The following TDRD15 variants were observed in gnomAD, a reference collection of about 807,000 sequenced individuals.
The protein encoded by TDRD15 is tudor domain-containing protein 15.
For missense variants in TDRD15, 1,416 were observed against 904.7 expected (o/e 1.57, Z -7.25); for synonymous variants, 503 against 314.5 (o/e 1.60, Z -6.34).
Position 21,139,045 on chromosome 2 carries a change from A to G in TDRD15, c.1578A>G (p.Glu526=). Residue 526 remains glutamate, a synonymous_variant, in exon 4 of 4, where the codon GAA becomes GAG. Coordinates refer to ENST00000405799, the MANE Select transcript of TDRD15 (RefSeq NM_001306137.2). ...TTTATGATTTGTGTGAAAACGATGA[A>G]ATGATTCTAAGAAAACCTGAACCTG... ...NKFYDLCEND[E]MILRKPEPGL... The G allele has an allele frequency of 1.4e-6, 1 of 714,604 alleles. No homozygotes were observed. Among genetic ancestry groups the G allele is most frequent in the Non-Finnish European group, 2.6e-6 (1 of 383,816 alleles). 44.3% of individuals were successfully genotyped at this position (714,604 alleles called of 1,614,324 possible).
chr2:21,134,605 A>G (rs1665774837), intron 2 of TDRD15, among the ~76,000 whole-genome samples, 157 bp from the exon 3 acceptor site: 1 of 152,010 alleles, frequency 6.6e-6, no homozygotes, highest in South Asian at 2.1e-4. Context: ...TGACTTCAAA[A>G]TTTTATAAAT....
intron 1 of TDRD15, among the ~76,000 whole-genome samples, chr2:21,127,111 ATCT>A (rs528306396): frequency 5.0e-4 from 76 of 152,274 alleles, no homozygotes; most frequent in African/African-American, 1.8e-3. Flanking sequence ...CCATCAATAA[ATCT>A]TCTTTGGTAA....
chr2:21,138,643 G>A lies in TDRD15; in HGVS notation c.1176G>A (p.Lys392=), dbSNP rs766332749. 17 of 714,140 alleles carry A rather than the reference G, an allele frequency of 2.4e-5. No individual in the cohort carries two copies. The highest frequency in any genetic ancestry group is 2.2e-4 in the South Asian group (15 of 67,062). 44.2% of individuals were successfully genotyped at this position (714,140 alleles called of 1,614,324 possible). ...VVYAHIDWFN[K]DECLYYVTLQ... is the part of the protein sequence containing the mutation. ...ATGCACACATTGATTGGTTCAATAA[G>A]GATGAGTGTTTGTATTATGTGACAT... is the stretch of plus-strand genomic sequence containing the variant. Residue 392 remains lysine (K), a synonymous_variant, in exon 4 of 4, where the codon AAG becomes AAA. Coordinates refer to ENST00000405799, the MANE Select transcript of TDRD15 (RefSeq NM_001306137.2).
chr2:21,132,733 CCCTT>C (rs1210911775), intron 2 of TDRD15, among the ~76,000 whole-genome samples: 1 of 151,958 alleles, frequency 6.6e-6, no homozygotes, highest in African/African-American at 2.4e-5. Context: ...AAAGATGTCT[CCCTT>C]AGTAAGATTA....
chr2:21,136,720 T>C (rs999355488), intron 3 of TDRD15, among the ~76,000 whole-genome samples: 1 of 152,082 alleles, frequency 6.6e-6, no homozygotes, highest in East Asian at 1.9e-4. Flanking sequence ...TTTAGAATCC[T>C]AAAAATCCAC....
chr2:21,126,725 A>G (rs1213197295), intron 1 of TDRD15, among the ~76,000 whole-genome samples: 2 of 152,152 alleles, frequency 1.3e-5, no homozygotes, highest in African/African-American at 4.8e-5. Flanking sequence ...GTTGACAAAC[A>G]TTTGGGTTGT....
chr2:21,130,094 C>A (rs556047490), intron 2 of TDRD15, among the ~76,000 whole-genome samples: 1 of 152,292 alleles, frequency 6.6e-6, no homozygotes, highest in Admixed American at 6.5e-5. Flanking sequence ...GACCTATTCA[C>A]CCCTATTAAA....
chr2:21,139,946 G>GGATCAGAATGAATACTAT lies in TDRD15; in HGVS notation c.2479_2480insGATCAGAATGAATACTAT (p.Glu827delinsGlySerGluTer), dbSNP rs1665887185. 1.4e-6 allele frequency: 1 copy of GGATCAGAATGAATACTAT among 715,568 alleles called. No homozygotes were observed. The highest frequency in any genetic ancestry group is 2.6e-6 in the Non-Finnish European group (1 of 383,974). The allele number at this position is 715,568 out of a possible 1,614,324, so 44.3% of individuals were successfully genotyped here. On this transcript the variant is annotated stop_gained and protein_altering_variant, in exon 4 of 4. Coordinates refer to ENST00000405799, the MANE Select transcript of TDRD15 (RefSeq NM_001306137.2). LOFTEE classifies it low-confidence loss of function (END_TRUNC). Reference sequence around the variant, plus strand: ...TGCTGTTTTGACTCAAGTATCAAAAGAAGTTGACATAGTGTTTGTTGATTA... The same window carrying GGATCAGAATGAATACTAT: ...TGCTGTTTTGACTCAAGTATCAAAAGGATCAGAATGAATACTATAAGTTGACATAGTGTTTGTTGATTA...
chr2:21,145,958 A>G (rs552164339), downstream of TDRD15, among the ~76,000 whole-genome samples: 1 of 152,018 alleles, frequency 6.6e-6, no homozygotes, highest in East Asian at 1.9e-4. Flanking sequence ...CTTTCAAAAA[A>G]CTCTGACGCC....
chr2:21,136,232 T>G (rs1665804527), intron 3 of TDRD15, among the ~76,000 whole-genome samples: 1 of 152,028 alleles, frequency 6.6e-6, no homozygotes, highest in African/African-American at 2.4e-5. Context: ...GACTAAATAA[T>G]GAAAACATTT....
At chr2:21,125,162 T>TC (rs1237495365) in intron 1 of TDRD15, among the ~76,000 whole-genome samples, 2 of 145,438 alleles carry the variant, frequency 1.4e-5, no homozygotes, top group African/African-American at 5.2e-5. Context: ...GAGAGAGAAA[T>TC]CCTAATGTCA....
chr2:21,145,765 C>T (rs918891377), downstream of TDRD15, among the ~76,000 whole-genome samples: 1 of 151,968 alleles, frequency 6.6e-6, no homozygotes, highest in Admixed American at 6.6e-5. Flanking sequence ...CCTACCACCT[C>T]TATTACTCTT....
Position 21,139,139 on chromosome 2 carries a change from G to T in TDRD15, c.1672G>T (p.Gly558Cys). 1.4e-6 allele frequency: 1 copy of T among 712,696 alleles called. No homozygotes were observed. Among genetic ancestry groups the T allele is most frequent in the South Asian group, 1.5e-5 (1 of 66,642 alleles). The allele number at this position is 712,696 out of a possible 1,614,324, so 44.1% of individuals were successfully genotyped here. A position where few individuals can be genotyped will look rare whatever the true frequency, so the allele number is the denominator to read the frequency against. The change falls in exon 4 of 4, where the codon GGT becomes TGT. Residue 558 changes from glycine (G) to cysteine (C), a missense_variant. By Grantham distance (159) the Gly-to-Cys change is radical (BLOSUM62 -3). Coordinates refer to ENST00000405799, the MANE Select transcript of TDRD15 (RefSeq NM_001306137.2). ...FYRAVITEINGYKINVYFLDY... is the reference protein window; with the variant it reads ...FYRAVITEINCYKINVYFLDY... ...CAGAGCTGTCATCACTGAAATTAAT[G>T]GTTATAAGATTAATGTTTATTTTTT... is the stretch of plus-strand genomic sequence containing the variant.
At chr2:21,146,626 A>G (rs1666035221), downstream of TDRD15, among the ~76,000 whole-genome samples, 1 of 152,136 alleles carries the variant, frequency 6.6e-6, no homozygotes, top group Non-Finnish European at 1.5e-5. Context: ...ATTCTTTGCT[A>G]ATGAGGCAGT....
intron 1 of TDRD15, among the ~76,000 whole-genome samples, chr2:21,127,354 A>AT (rs1394771746): frequency 3.9e-5 from 6 of 151,946 alleles, no homozygotes. Context: ...AGCAGTTTGA[A>AT]TTTTTTGTGT....
chr2:21,140,284 C>T lies in TDRD15; in HGVS notation c.2817C>T (p.Ile939=), dbSNP rs1243001263. Residue 939 remains isoleucine (I), a synonymous_variant, in exon 4 of 4, where the codon ATC becomes ATT. Transcript: ENST00000405799. ...FLMNRGSAQY[I]TLSETFPSLF... is the part of the protein sequence containing the mutation. The stretch of plus-strand genomic sequence containing the variant: ...TGAATCGTGGCTCTGCTCAGTATAT[C>T]ACATTATCAGAGACATTCCCATCTT... The T allele has an allele frequency of 2.9e-5, 21 of 715,218 alleles. No homozygotes were observed. The highest frequency in any genetic ancestry group is 4.4e-5 in the Non-Finnish European group (17 of 383,706). The allele number at this position is 715,218 out of a possible 1,614,324, so 44.3% of individuals were successfully genotyped here.
At chr2:21,129,095 C>A (rs1665658769) in intron 2 of TDRD15, among the ~76,000 whole-genome samples, 1 of 152,102 alleles carries the variant, frequency 6.6e-6, no homozygotes, top group Non-Finnish European at 1.5e-5. Flanking sequence ...CGTTACCATG[C>A]CCCACTAATT....
At position 21,142,963 on chromosome 2, in the gene TDRD15, A is replaced by G. The variant is rs757712131; in HGVS notation, c.5496A>G (p.Lys1832=). 4.3e-6 allele frequency: 3 copies of G among 705,016 alleles called. No individual in the cohort carries two copies. The South Asian group carries it at 4.6e-5, about 11-fold the overall frequency. 43.7% of individuals were successfully genotyped at this position (705,016 alleles called of 1,614,324 possible). A position where few individuals can be genotyped will look rare whatever the true frequency, so the allele number is the denominator to read the frequency against. Residue 1832 remains lysine, a synonymous_variant, in exon 4 of 4, where the codon AAA becomes AAG. Transcript: ENST00000405799. ...GTTATTCAGAAATTATAAATCTTAA[A>G]GTTGTTCCTGAGGAACTTTTGAATT... ...YIRYSEIINL[K]VVPEELLNLP...
At chr2:21,128,046 G>A (rs1422527817) in intron 2 of TDRD15, among the ~76,000 whole-genome samples, 1 of 152,084 alleles carries the variant, frequency 6.6e-6, no homozygotes, top group Non-Finnish European at 1.5e-5. Context: ...AAAGATGTGA[G>A]GACTTCAAGA....
Sources: gnomAD v4.1 joint callset for allele counts (sites outside exome capture counted in the v4.1 genomes callset) on GRCh38, gnomAD v4.1.1 for gene constraint, MANE v1.5 for transcripts, NCBI Gene and HGNC (gene_info 2026-07-23, HGNC 2026-07-21) for gene names.